Variants in SPATC1L observed in about 807,000 individuals in gnomAD.
SPATC1L encodes the protein speriolin-like protein.
A neutral mutation model predicts 21.2 loss-of-function variants in SPATC1L; 20 were observed. The observed-to-expected ratio is 0.94, with a 90% CI of 0.66 to 1.37. The LOEUF is 1.37. Ranked by LOEUF, SPATC1L falls within the 40% of genes most tolerant of loss-of-function variation. The pLI is 0.00. For missense variants in SPATC1L, 499 were observed against 478.7 expected, an observed-to-expected ratio of 1.04 and a Z score of -0.40; for synonymous variants, 290 against 234.5, an observed-to-expected ratio of 1.24 and a Z score of -2.16.
chr21:46,168,730 A>G, intron 2 of SPATC1L, 72 bp from the exon 3 acceptor site: 1 of 1,114,270 alleles, frequency 9.0e-7, no homozygotes, highest in Non-Finnish European at 1.2e-6. Flanking sequence ...TATAAAGAAC[A>G]TGTTAACAAC....
chr21:46,183,917 G>C (rs79463386), intron 1 of SPATC1L, 143 bp from the exon 2 acceptor site: 1 of 141,528 alleles, frequency 7.1e-6, no homozygotes, highest in African/African-American at 2.7e-5. Context: ...AGACCAGCCT[G>C]GGGGAGGAGA....
At chr21:46,163,497 C>A (rs1037730638) in intron 3 of SPATC1L, among the ~76,000 whole-genome samples, 5 of 152,168 alleles carry the variant, frequency 3.3e-5, no homozygotes, top group African/African-American at 4.8e-5. Flanking sequence ...CCTCTTAGGT[C>A]TTTGATCCAT....
intron 2 of SPATC1L, among the ~76,000 whole-genome samples, chr21:46,172,123 G>GTGTGCA (rs796922400): frequency 7.2e-6 from 1 of 138,728 alleles, no homozygotes; most frequent in African/African-American, 2.7e-5. Flanking sequence ...TGAGGCGGGG[G>GTGTGCA]ATGCACAGAG....
intron 2 of SPATC1L, among the ~76,000 whole-genome samples, chr21:46,179,321 G>A (rs1475040343): frequency 6.6e-6 from 1 of 151,998 alleles, no homozygotes; most frequent in Non-Finnish European, 1.5e-5. Flanking sequence ...CGAGACAGAA[G>A]GATCCCTTAA....
rs527969849 is a variant in SPATC1L, at chr21:46,176,748, A to G, written c.193+5876T>C. ...TCAATGCTGTTCTTATTAAAATACC[A>G]TTGAGATTAATCACAGAACTAGAAA... is the stretch of plus-strand genomic sequence containing the variant. On this transcript the variant is annotated intron_variant, in intron 2 of 4. Transcript: ENST00000291672. Among the ~76,000 whole-genome samples, 6 of 152,358 alleles carry G rather than the reference A, an allele frequency of 3.9e-5. No individual in the cohort carries two copies. In the East Asian group the frequency reaches 1.2e-3, roughly 29 times the overall value.
chr21:46,172,856 G>T (rs1255493674), intron 2 of SPATC1L, among the ~76,000 whole-genome samples: 1 of 152,222 alleles, frequency 6.6e-6, no homozygotes, highest in African/African-American at 2.4e-5. Context: ...GAACCTGCCT[G>T]GGACTACTGA....
At chr21:46,177,411 C>G (rs56350296) in intron 2 of SPATC1L, among the ~76,000 whole-genome samples, 1 of 151,908 alleles carries the variant, frequency 6.6e-6, no homozygotes, top group Non-Finnish European at 1.5e-5. Context: ...AAGAAATCTA[C>G]AAGAAAAAAA....
intron 2 of SPATC1L, among the ~76,000 whole-genome samples, chr21:46,168,894 T>C (rs532134634): frequency 1.3e-5 from 2 of 152,322 alleles, no homozygotes; most frequent in East Asian, 1.9e-4. Flanking sequence ...ACTGCGTCTA[T>C]GGGCACAGCA....
At chr21:46,163,155 C>T (rs1183193154) in intron 3 of SPATC1L, among the ~76,000 whole-genome samples, 2 of 152,186 alleles carry the variant, frequency 1.3e-5, no homozygotes, top group Non-Finnish European at 2.9e-5. Context: ...TATTCAGGTC[C>T]TGTAGTGATT....
intron 3 of SPATC1L, among the ~76,000 whole-genome samples, chr21:46,166,140 C>T (rs184045790): frequency 1.3e-5 from 2 of 152,166 alleles, no homozygotes; most frequent in East Asian, 1.9e-4. Flanking sequence ...CTGAGGTGGG[C>T]GGATCACTTG....
At chr21:46,161,862 G>A in intron 4 of SPATC1L, 54 bp downstream of exon 4, 1 of 1,582,738 alleles carries the variant, frequency 6.3e-7, no homozygotes, top group Non-Finnish European at 8.5e-7. Flanking sequence ...GGCCGCACAG[G>A]GACGGACCGA....
intron 2 of SPATC1L, among the ~76,000 whole-genome samples, chr21:46,174,340 A>C (rs56388214): frequency 0.4 from 41,139 of 102,980 alleles, 6,758 homozygotes; most frequent in Admixed American, 0.53. Context: ...CTCAAAAAAC[A>C]AAACAAAAAA....
intron 2 of SPATC1L, among the ~76,000 whole-genome samples, chr21:46,177,358 G>A (rs1156859711): frequency 6.6e-6 from 1 of 152,036 alleles, no homozygotes; most frequent in Admixed American, 6.5e-5. Context: ...ACAAACTAAT[G>A]CATCTGACAA....
chr21:46,167,543 G>A (rs149533441), intron 3 of SPATC1L, among the ~76,000 whole-genome samples: 2,057 of 152,322 alleles, frequency 0.014, 20 homozygotes, highest in Middle Eastern at 0.037. Context: ...GGCCAGGCAT[G>A]GTGGCTCATG....
At chr21:46,168,809 C>T (rs1038273248) in intron 2 of SPATC1L, among the ~76,000 whole-genome samples, 151 bp from the exon 3 acceptor site, 1 of 152,140 alleles carries the variant, frequency 6.6e-6, no homozygotes, top group Non-Finnish European at 1.5e-5. Flanking sequence ...TCCTCCTTCC[C>T]CTCAGGCCTC....
At position 46,161,644 on chromosome 21, in the gene SPATC1L, C is replaced by A; in HGVS notation, c.758G>T (p.Arg253Leu). Residue 253 changes from arginine (R) to leucine (L), a missense_variant, in exon 5 of 5, where the codon CGC (arginine) becomes CTC (leucine). Physicochemically the swap from Arg to Leu is moderately radical, Grantham distance 102 (BLOSUM62 -2). Transcript: ENST00000291672. Reference protein sequence around the residue: ...DERKLRELTQRYLALSARLEK... With the variant: ...DERKLRELTQLYLALSARLEK... ...CAGGCGCGCGCTCAGGGCCAGGTAG[C>A]GCTGCGTCAGCTCGCGCAGCTTCCT... 4 of 1,609,996 alleles carry A rather than the reference C, an allele frequency of 2.5e-6. No homozygotes were observed. The highest frequency in any genetic ancestry group is 2.2e-5 in the South Asian group (2 of 90,752).
At chr21:46,163,038 G>A (rs948911423) in intron 3 of SPATC1L, among the ~76,000 whole-genome samples, 1 of 152,218 alleles carries the variant, frequency 6.6e-6, no homozygotes, top group Non-Finnish European at 1.5e-5. Context: ...TTTCCTGGAG[G>A]ACGGGAAACA....
intron 2 of SPATC1L, among the ~76,000 whole-genome samples, chr21:46,178,447 G>C (rs1164505253): frequency 6.6e-6 from 1 of 152,166 alleles, no homozygotes; most frequent in Non-Finnish European, 1.5e-5. Flanking sequence ...TGAAGGGTGA[G>C]AGAAGGGAGA....
At chr21:46,161,827 G>A in intron 4 of SPATC1L, 89 bp downstream of exon 4, 1 of 1,533,610 alleles carries the variant, frequency 6.5e-7, no homozygotes, top group Non-Finnish European at 8.7e-7. Context: ...TGCGGACAGT[G>A]CCCGGCCAGG....
Sources: allele counts gnomAD v4.1 joint callset (sites outside exome capture counted in the v4.1 genomes callset), GRCh38; gene constraint gnomAD v4.1.1; transcripts MANE v1.5; gene names NCBI Gene and HGNC (gene_info 2026-07-23, HGNC 2026-07-21).